C1orf50: variants seen among roughly 807,000 people sequenced by gnomAD.
The protein encoded by C1orf50 is uncharacterized protein C1orf50.
Under a neutral mutation model 23.3 loss-of-function variants are expected in C1orf50, and 22 were observed. The observed-to-expected ratio is 0.94, with a 90% CI of 0.67 to 1.35. The LOEUF is 1.35. C1orf50 is among the 40% of genes most tolerant of loss of function. The probability of loss-of-function intolerance (pLI) is 0.00; values close to 1 mark genes in which losing one functional copy is unlikely to be tolerated. For missense variants in C1orf50, 271 were observed against 249.4 expected, an observed-to-expected ratio of 1.09 and a Z score of -0.58; for synonymous variants, 96 against 102.4, an observed-to-expected ratio of 0.94 and a Z score of 0.38.
rs1027001765 is a variant in C1orf50 at position 42,779,431 on chromosome 1, C to T, written c.*4037C>T. ...GCATCTTACATTTGATGAAGCATGG[C>T]ACATTGAAAGTACAATCGATTGCCA... is the stretch of plus-strand genomic sequence containing the variant. On this transcript the variant is annotated 3_prime_UTR_variant, in exon 5 of 5. Transcript: ENST00000372525. 7 of 151,158 alleles carry T rather than the reference C, an allele frequency of 4.6e-5. No homozygotes were observed. Among genetic ancestry groups the T allele is most frequent in the African/African-American group, 1.7e-4 (7 of 41,076 alleles). 9.4% of individuals were successfully genotyped at this position (151,158 alleles called of 1,614,324 possible). A position where few individuals can be genotyped will look rare whatever the true frequency, so the allele number is the denominator to read the frequency against.
In C1orf50 at chr1:42,767,577, G is replaced by T. The variant is rs944948768; in HGVS notation, c.148G>T (p.Ala50Ser). 4 of 1,611,820 alleles carry T rather than the reference G, an allele frequency of 2.5e-6. No individual in the cohort carries two copies. In the East Asian group the frequency reaches 8.9e-5, roughly 36 times the overall value. Residue 50 changes from alanine (A) to serine (S), a missense_variant, in exon 2 of 5, where the codon GCC (alanine) becomes TCC (serine). Coordinates refer to ENST00000372525, the MANE Select transcript of C1orf50 (RefSeq NM_024097.4). ...GGTGAGCCCCTACCACACCCACCGG[G>T]CCGGGGACCCCTTAGACCTCGTGGC... ...ALVSPYHTHRAGDPLDLVALA... is the reference protein window; with the variant it reads ...ALVSPYHTHRSGDPLDLVALA...
rs944285126 is a variant in C1orf50, at chr1:42,778,988, C to G, written c.*3594C>G. On this transcript the variant is annotated 3_prime_UTR_variant, in exon 5 of 5. Transcript: ENST00000372525. ...CAAGGTGTACTTCCCCCCCCCCCCCCCCCACATTTTGGTGTCTGTCAAACT... is the reference window on the plus strand; with the variant it reads ...CAAGGTGTACTTCCCCCCCCCCCCCGCCCACATTTTGGTGTCTGTCAAACT... 1.4e-4 allele frequency: 13 copies of G among 95,062 alleles called. No homozygotes were observed. The highest frequency in any genetic ancestry group is 4.6e-4 in the South Asian group (1 of 2,156). 5.9% of individuals were successfully genotyped at this position (95,062 alleles called of 1,614,324 possible).
chr1:42,771,146 G>A (rs987086613), intron 2 of C1orf50, among the ~76,000 whole-genome samples: 1 of 152,058 alleles, frequency 6.6e-6, no homozygotes, highest in African/African-American at 2.4e-5. Context: ...CGACATAATT[G>A]TGGTTATTTC....
In C1orf50 at chr1:42,776,449, A is replaced by G. The variant is rs1339883096; in HGVS notation, c.*1055A>G. On this transcript the variant is annotated 3_prime_UTR_variant, in exon 5 of 5. Transcript: ENST00000372525. The stretch of plus-strand genomic sequence containing the variant: ...TTTCGCATGGCTATAATCTATTGCA[A>G]TATGCTGTAAAAGGAGGGAGAGATG... The G allele has an allele frequency of 1.3e-5, 2 of 152,224 alleles. No homozygotes were observed. Among genetic ancestry groups the G allele is most frequent in the Non-Finnish European group, 2.9e-5 (2 of 68,060 alleles). 9.4% of individuals were successfully genotyped at this position (152,224 alleles called of 1,614,324 possible).
rs1653386907 is a variant in C1orf50 at position 42,778,757 on chromosome 1, T to TG, written c.*3367dup. Reference sequence around the variant, plus strand: ...CATTGACCAGAATTGACACGACATTTGGGGAATCGCAGCCAGTTAAACAGG... The same window carrying TG: ...CATTGACCAGAATTGACACGACATTTGGGGGAATCGCAGCCAGTTAAACAGG... On this transcript the variant is annotated 3_prime_UTR_variant, in exon 5 of 5. Transcript: ENST00000372525. The TG allele has an allele frequency of 1.3e-5, 2 of 152,140 alleles. No homozygotes were observed. The highest frequency in any genetic ancestry group is 4.8e-5 in the African/African-American group (2 of 41,388). The allele number at this position is 152,140 out of a possible 1,614,324, so 9.4% of individuals were successfully genotyped here. A position where few individuals can be genotyped will look rare whatever the true frequency, so the allele number is the denominator to read the frequency against.
rs1253828751 is a variant in C1orf50, at chr1:42,769,275, G to T, written c.195+1651G>T. 2.6e-5 allele frequency among the ~76,000 whole-genome samples: 4 copies of T among 152,148 alleles called. No individual in the cohort carries two copies. In the East Asian group the frequency reaches 7.7e-4, roughly 29 times the overall value. On this transcript the variant is annotated intron_variant, in intron 2 of 4. Coordinates refer to ENST00000372525, the MANE Select transcript of C1orf50 (RefSeq NM_024097.4). ...AAACAAAAAAATGAGGCTGGGTGTG[G>T]TGGCTCACGCCTGTAATCTTAGCAC...
At chr1:42,775,002 ACT>A in intron 4 of C1orf50, 134 bp downstream of exon 4, 1 of 1,170,696 alleles carries the variant, frequency 8.5e-7, no homozygotes, top group Non-Finnish European at 1.2e-6. Flanking sequence ...CCCAGACATG[ACT>A]CTAAAAAATA....
In C1orf50 at chr1:42,779,116, G is replaced by T. The variant is rs899766080; in HGVS notation, c.*3722G>T. 6.6e-6 allele frequency: 1 copy of T among 151,976 alleles called. No individual in the cohort carries two copies. The highest frequency in any genetic ancestry group is 2.4e-5 in the African/African-American group (1 of 41,354). The allele number at this position is 151,976 out of a possible 1,614,324, so 9.4% of individuals were successfully genotyped here. On this transcript the variant is annotated 3_prime_UTR_variant, in exon 5 of 5. Transcript: ENST00000372525. The stretch of plus-strand genomic sequence containing the variant: ...TAACAAGCTGGGCGCAGTGGCTCAC[G>T]CCTGTAATCCCAGCACTTTGGGCGG...
chr1:42,774,788 A>G lies in C1orf50; in HGVS notation c.334A>G (p.Ile112Val), dbSNP rs745600130. The change falls in exon 4 of 5, where the codon ATA becomes GTA. Residue 112 changes from isoleucine (I) to valine (V), a missense_variant. By Grantham distance (29) the Ile-to-Val change is conservative. Coordinates refer to ENST00000372525, the MANE Select transcript of C1orf50 (RefSeq NM_024097.4). ...CAACCTGCACCATGTAGCTTGTAAT[A>G]TAGTGAAAAAACCTGGCAACATTTA... ...DANLHHVACN[I>V]VKKPGNIYYL... 3.7e-6 allele frequency: 6 copies of G among 1,613,820 alleles called. No individual in the cohort carries two copies. In the African/African-American group the frequency reaches 6.7e-5, roughly 18 times the overall value.
rs1480140553 is a variant in C1orf50 at position 42,777,181 on chromosome 1, C to T, written c.*1787C>T. On this transcript the variant is annotated 3_prime_UTR_variant, in exon 5 of 5. Transcript: ENST00000372525. ...GCTCAATCTCAGCTTACCGCAACCTCCGCCTCCTGGTTCAAGTGATTCTCC... is the reference window on the plus strand; with the variant it reads ...GCTCAATCTCAGCTTACCGCAACCTTCGCCTCCTGGTTCAAGTGATTCTCC... 2.0e-5 allele frequency: 3 copies of T among 152,294 alleles called. No homozygotes were observed. Among genetic ancestry groups the T allele is most frequent in the East Asian group, 3.8e-4 (2 of 5,212 alleles). 9.4% of individuals were successfully genotyped at this position (152,294 alleles called of 1,614,324 possible). A position where few individuals can be genotyped will look rare whatever the true frequency, so the allele number is the denominator to read the frequency against.
chr1:42,768,993 G>A (rs981560841), intron 2 of C1orf50, among the ~76,000 whole-genome samples: 5 of 152,172 alleles, frequency 3.3e-5, no homozygotes, highest in Admixed American at 2.0e-4. Flanking sequence ...GCCAGGTGCC[G>A]TGGCTCACAC....
Position 42,775,714 on chromosome 1 carries a change from A to G in C1orf50, c.*320A>G, listed in dbSNP as rs575564390. 1 of 167,040 alleles carries G rather than the reference A, an allele frequency of 6.0e-6. No individual in the cohort carries two copies. Among genetic ancestry groups the G allele is most frequent in the Non-Finnish European group, 1.3e-5 (1 of 78,822 alleles). 10.3% of individuals were successfully genotyped at this position (167,040 alleles called of 1,614,324 possible). A position where few individuals can be genotyped will look rare whatever the true frequency, so the allele number is the denominator to read the frequency against. The stretch of plus-strand genomic sequence containing the variant: ...AAGTGTTAGAGAAGACCTTCTTCCC[A>G]TAAAAAGGTTGGTGGATCGTTTTCC... On this transcript the variant is annotated 3_prime_UTR_variant, in exon 5 of 5. Transcript: ENST00000372525.
At chr1:42,767,894 T>G (rs1387365234) in intron 2 of C1orf50, among the ~76,000 whole-genome samples, 1 of 152,318 alleles carries the variant, frequency 6.6e-6, no homozygotes, top group African/African-American at 2.4e-5. Flanking sequence ...ATTATTTCAT[T>G]TGCACCTTAG....
chr1:42,771,902 C>T (rs545979550), intron 2 of C1orf50, among the ~76,000 whole-genome samples: 11 of 151,600 alleles, frequency 7.3e-5, no homozygotes, highest in African/African-American at 1.2e-4. Context: ...TGCTTGAACC[C>T]GGGAGGCGGA....
chr1:42,777,420 G>C lies in C1orf50; in HGVS notation c.*2026G>C. ...GAATTTCAATTCCACAAGGGTTGCT[G>C]GCTTCCGGGGTTCCACTAGCTGACT... is the stretch of plus-strand genomic sequence containing the variant. On this transcript the variant is annotated 3_prime_UTR_variant, in exon 5 of 5. Transcript: ENST00000372525. The C allele has an allele frequency of 6.6e-6, 1 of 152,388 alleles. No homozygotes were observed. Among genetic ancestry groups the C allele is most frequent in the Non-Finnish European group, 1.5e-5 (1 of 68,094 alleles). 9.4% of individuals were successfully genotyped at this position (152,388 alleles called of 1,614,324 possible).
At position 42,775,367 on chromosome 1, in the gene C1orf50, AC is replaced by A. The variant is rs775312945; in HGVS notation, c.576del (p.Asn193ThrfsTer5). ...QSVALPPCTE[P>X]NFQGLTH is the part of the protein sequence containing the mutation. Reference sequence around the variant, plus strand: ...CAGTGGCCCTGCCTCCGTGCACTGAACCCAACTTCCAGGGACTGACTCACTG... The same window carrying A: ...CAGTGGCCCTGCCTCCGTGCACTGAACCAACTTCCAGGGACTGACTCACTG... On this transcript the variant is annotated frameshift_variant, in exon 5 of 5. Transcript: ENST00000372525. LOFTEE classifies it high-confidence loss of function. The A allele has an allele frequency of 6.1e-5, 97 of 1,601,546 alleles. No individual in the cohort carries two copies. Among genetic ancestry groups the A allele is most frequent in the Middle Eastern group, 1.8e-4 (1 of 5,576 alleles).
chr1:42,767,733 T>C (rs1653110332), intron 2 of C1orf50, 109 bp downstream of exon 2: 1 of 992,328 alleles, frequency 1.0e-6, no homozygotes, highest in Non-Finnish European at 1.5e-6. Flanking sequence ...CATTTGCTCT[T>C]GTCTCCATTT....
rs902586410 is a variant in C1orf50 at position 42,777,701 on chromosome 1, T to C, written c.*2307T>C. 6.6e-6 allele frequency: 1 copy of C among 152,148 alleles called. No homozygotes were observed. Among genetic ancestry groups the C allele is most frequent in the Non-Finnish European group, 1.5e-5 (1 of 68,034 alleles). 9.4% of individuals were successfully genotyped at this position (152,148 alleles called of 1,614,324 possible). ...CCAGAAGGCAGACATCATTGAATCA[T>C]TGAACAGATCCTAGAATCTATCTGC... is the stretch of plus-strand genomic sequence containing the variant. On this transcript the variant is annotated 3_prime_UTR_variant, in exon 5 of 5. Transcript: ENST00000372525.
intron 2 of C1orf50, among the ~76,000 whole-genome samples, chr1:42,768,749 A>G (rs572299252): frequency 6.6e-6 from 1 of 150,668 alleles, no homozygotes; most frequent in East Asian, 1.9e-4. Flanking sequence ...TGTGCACACA[A>G]CGTATTCATG....
Sources: gnomAD v4.1 joint callset for allele counts (sites outside exome capture counted in the v4.1 genomes callset) on GRCh38, gnomAD v4.1.1 for gene constraint, MANE v1.5 for transcripts, NCBI Gene and HGNC (gene_info 2026-07-23, HGNC 2026-07-21) for gene names.